The following ANKRD28 variants were observed in gnomAD, a reference collection of about 807,000 sequenced individuals.
ANKRD28 encodes serine/threonine-protein phosphatase 6 regulatory ankyrin repeat subunit A.
ANKRD28 carries 44 observed loss-of-function variants against 126.5 expected under a neutral mutation model. The observed-to-expected ratio is 0.35, with a 90% CI of 0.27 to 0.45. The LOEUF is 0.45. Among genes scored for constraint, ANKRD28 ranks in the 20% least tolerant of loss-of-function variants. The pLI is 1.00. For missense variants in ANKRD28, 1,110 were observed against 1,316.6 expected, an observed-to-expected ratio of 0.84 and a Z score of 2.43; for synonymous variants, 442 against 468.5, an observed-to-expected ratio of 0.94 and a Z score of 0.73.
upstream of ANKRD28, among the ~76,000 whole-genome samples, chr3:15,801,619 A>C (rs1198353129): frequency 6.6e-6 from 1 of 152,184 alleles, no homozygotes; most frequent in Non-Finnish European, 1.5e-5. The surrounding 1 kb of genome is among the most constrained non-coding windows in gnomAD (Gnocchi z 4.9). Context: ...TACTTTAGGA[A>C]AAAAAAGTCT....
intron 6 of ANKRD28, among the ~76,000 whole-genome samples, chr3:15,733,763 T>C (rs555780600): frequency 6.6e-6 from 1 of 152,298 alleles, no homozygotes; most frequent in East Asian, 1.9e-4. Context: ...CAATTTAGTA[T>C]ACCTATGTAG....
At chr3:15,702,675 T>G (rs1484947626) in intron 14 of ANKRD28, among the ~76,000 whole-genome samples, 3 of 152,132 alleles carry the variant, frequency 2.0e-5, no homozygotes, top group Non-Finnish European at 4.4e-5. Context: ...AAGTTCAGAC[T>G]GATTCAAATT....
intron 14 of ANKRD28, among the ~76,000 whole-genome samples, chr3:15,704,120 TTTTA>T (rs1175537986): frequency 7.2e-5 from 11 of 152,166 alleles, no homozygotes; most frequent in Admixed American, 1.3e-4. Flanking sequence ...GCAAATATAA[TTTTA>T]TTTATTAATA....
chr3:15,717,111 T>C (rs112329537), intron 8 of ANKRD28, among the ~76,000 whole-genome samples: 7 of 152,352 alleles, frequency 4.6e-5, no homozygotes, highest in African/African-American at 1.7e-4. Context: ...CTAGGTCTCA[T>C]AGCTAATAAG....
chr3:15,856,690 A>G (rs941155446), intron 1 of ANKRD28, among the ~76,000 whole-genome samples: 3 of 152,244 alleles, frequency 2.0e-5, no homozygotes, highest in Non-Finnish European at 2.9e-5. Flanking sequence ...GCACAAAATG[A>G]GAGAAAATTA....
chr3:15,792,872 A>G (rs2060099718), intron 2 of ANKRD28, among the ~76,000 whole-genome samples: 1 of 152,090 alleles, frequency 6.6e-6, no homozygotes, highest in Non-Finnish European at 1.5e-5. Flanking sequence ...AAACCCACTA[A>G]AATAAGAAGA....
intron 6 of ANKRD28, among the ~76,000 whole-genome samples, chr3:15,727,169 A>T (rs1160196790): frequency 6.6e-6 from 1 of 152,202 alleles, no homozygotes; most frequent in Non-Finnish European, 1.5e-5. Flanking sequence ...TTCAACTTTC[A>T]AAGTCTTATT....
Position 15,843,569 on chromosome 3 carries a change from T to C in ANKRD28, c.27+15808A>G, listed in dbSNP as rs79703276. ...GGATAGAATTAGGAGTACAGCAGAA[T>C]AGTTTGAGCCAAAAATAAGGGAAAA... is the stretch of plus-strand genomic sequence containing the variant. On this transcript the variant is annotated intron_variant, in intron 1 of 27. Transcript: ENST00000399451. The surrounding 1 kb of genome is among the most constrained non-coding windows in gnomAD (Gnocchi z 5.2). 0.015 allele frequency among the ~76,000 whole-genome samples: 2,292 copies of C among 150,982 alleles called. 27 individuals are homozygous for C. Among genetic ancestry groups the C allele is most frequent in the Non-Finnish European group, 0.025 (1,723 of 67,798 alleles).
chr3:15,712,579 T>C (rs2072458598), intron 10 of ANKRD28, among the ~76,000 whole-genome samples: 1 of 152,186 alleles, frequency 6.6e-6, no homozygotes, highest in Non-Finnish European at 1.5e-5. Flanking sequence ...CAACCAAAAA[T>C]GTATCTGGAC....
At chr3:15,804,223 T>C (rs528793697) in intron 1 of ANKRD28, among the ~76,000 whole-genome samples, 2 of 144,372 alleles carry the variant, frequency 1.4e-5, no homozygotes, top group Non-Finnish European at 3.0e-5. Context: ...CAGTACAAGA[T>C]AAAAGACAGT....
chr3:15,776,338 T>C (rs978895086), intron 2 of ANKRD28, among the ~76,000 whole-genome samples: 2 of 152,172 alleles, frequency 1.3e-5, no homozygotes, highest in Admixed American at 6.6e-5. Flanking sequence ...AATAGCTGCA[T>C]CATTCAAAAT....
At chr3:15,766,022 G>A (rs2058720165) in intron 3 of ANKRD28, among the ~76,000 whole-genome samples, 1 of 151,858 alleles carries the variant, frequency 6.6e-6, no homozygotes, top group Non-Finnish European at 1.5e-5. Context: ...GCTACAAGAG[G>A]GCAGCAATCT....
intron 3 of ANKRD28, among the ~76,000 whole-genome samples, chr3:15,752,831 G>A (rs770661473): frequency 6.6e-6 from 1 of 152,186 alleles, no homozygotes; most frequent in Non-Finnish European, 1.5e-5. Context: ...GAATAATCAA[G>A]TGCAGTGACT....
chr3:15,730,856 T>C (rs1024332213), intron 6 of ANKRD28, among the ~76,000 whole-genome samples: 3 of 152,166 alleles, frequency 2.0e-5, no homozygotes, highest in Non-Finnish European at 4.4e-5. Context: ...AAGGCAACAG[T>C]GTTAAGAGGT....
rs2061509335 is a variant in ANKRD28 at position 15,845,382 on chromosome 3, T to G, written c.27+13995A>C. ...CTTCTCAATTGGGAAATACTCCAAC[T>G]AGGTTCCCTCTTTGTCCTGAGAATG... On this transcript the variant is annotated intron_variant, in intron 1 of 27. Transcript: ENST00000399451. The surrounding 1 kb of genome is among the most constrained non-coding windows in gnomAD (Gnocchi z 4.9). Among the ~76,000 whole-genome samples, 1 of 152,174 alleles carries G rather than the reference T, an allele frequency of 6.6e-6. No individual in the cohort carries two copies. Among genetic ancestry groups the G allele is most frequent in the Non-Finnish European group, 1.5e-5 (1 of 68,024 alleles).
chr3:15,802,449 G>C (rs936105157), upstream of ANKRD28, among the ~76,000 whole-genome samples: 1 of 152,132 alleles, frequency 6.6e-6, no homozygotes, highest in African/African-American at 2.4e-5. Context: ...ACTTGGAGCT[G>C]AGCCTAACTC....
At chr3:15,747,783 T>C (rs140114322) in intron 4 of ANKRD28, among the ~76,000 whole-genome samples, 32 of 152,332 alleles carry the variant, frequency 2.1e-4, no homozygotes, top group Admixed American at 9.8e-4. Flanking sequence ...TCTAGTGCTG[T>C]TAATGGAGTA....
intron 21 of ANKRD28, chr3:15,683,845 T>A (rs1385195452): frequency 6.6e-6 from 1 of 152,226 alleles, no homozygotes. Flanking sequence ...GTGAAAGAAC[T>A]ATGAAACAGC....
intron 2 of ANKRD28, among the ~76,000 whole-genome samples, chr3:15,770,518 T>C (rs771854042): frequency 8.6e-5 from 13 of 152,018 alleles, no homozygotes; most frequent in Non-Finnish European, 1.3e-4. Context: ...TCTAATGGAA[T>C]TGAGCACTGA....
Sources: allele counts gnomAD v4.1 joint callset (sites outside exome capture counted in the v4.1 genomes callset), GRCh38; gene constraint gnomAD v4.1.1; non-coding constraint Gnocchi (gnomAD v3.1); transcripts MANE v1.5; gene names NCBI Gene and HGNC (gene_info 2026-07-23, HGNC 2026-07-21).